Variants in DOCK3 observed in about 807,000 individuals in gnomAD.
The protein encoded by DOCK3 is dedicator of cytokinesis 3.
DOCK3 carries 60 observed loss-of-function variants against 265.6 expected under a neutral mutation model. That is an observed-to-expected ratio of 0.23 (90% confidence interval 0.18 to 0.28). The LOEUF (loss-of-function observed/expected upper bound fraction) is 0.28. Ranked by LOEUF, DOCK3 falls within the 10% of genes least tolerant of loss-of-function variation. The probability of loss-of-function intolerance (pLI) is 1.00; values close to 1 mark genes in which losing one functional copy is unlikely to be tolerated. For synonymous variants in DOCK3, 881 were observed against 938.0 expected, an observed-to-expected ratio of 0.94 and a Z score of 1.11; for missense variants, 1,981 against 2,594.3, an observed-to-expected ratio of 0.76 and a Z score of 5.14.
At position 51,033,896 on chromosome 3, in the gene DOCK3, C is replaced by T. The variant is rs546053532; in HGVS notation, c.316-30552C>T. ...AGTTTATGGCAAAAGTCTCTATAAGCTTTTTGTAAAGCATCAATGATTTCA... is the reference window on the plus strand; with the variant it reads ...AGTTTATGGCAAAAGTCTCTATAAGTTTTTTGTAAAGCATCAATGATTTCA... On this transcript the variant is annotated intron_variant, in intron 5 of 52. Coordinates refer to ENST00000266037, the MANE Select transcript of DOCK3 (RefSeq NM_004947.5). 7.2e-5 allele frequency among the ~76,000 whole-genome samples: 11 copies of T among 152,274 alleles called. No individual in the cohort carries two copies. In the East Asian group the frequency reaches 1.9e-3, roughly 27 times the overall value.
At chr3:50,695,919 A>G (rs2035589597) in intron 1 of DOCK3, among the ~76,000 whole-genome samples, 1 of 152,218 alleles carries the variant, frequency 6.6e-6, no homozygotes, top group Admixed American at 6.5e-5. Flanking sequence ...GCCATGTGGT[A>G]GAGGAGGATT....
chr3:50,821,171 A>C (rs534962610), intron 2 of DOCK3, among the ~76,000 whole-genome samples: 7 of 141,214 alleles, frequency 5.0e-5, no homozygotes, highest in East Asian at 4.1e-4. Flanking sequence ...TGTGCAGAAG[A>C]AGCTCTTTAA....
chr3:50,799,783 T>G (rs1009578960), intron 2 of DOCK3, among the ~76,000 whole-genome samples: 1 of 152,178 alleles, frequency 6.6e-6, no homozygotes, highest in African/African-American at 2.4e-5. Flanking sequence ...TTCCAGTTCT[T>G]AGAGGAAAAG....
intron 21 of DOCK3, among the ~76,000 whole-genome samples, chr3:51,245,598 G>A (rs1381557852): frequency 6.6e-6 from 1 of 151,722 alleles, no homozygotes; most frequent in Non-Finnish European, 1.5e-5. Flanking sequence ...TCACTATGTT[G>A]GCCAGACTGG....
At chr3:50,941,207 A>G (rs1370589933) in intron 5 of DOCK3, among the ~76,000 whole-genome samples, 1 of 152,138 alleles carries the variant, frequency 6.6e-6, no homozygotes, top group Non-Finnish European at 1.5e-5. Context: ...TATTTATGGA[A>G]CTCTGTAAAT....
intron 4 of DOCK3, among the ~76,000 whole-genome samples, chr3:50,893,988 G>C (rs2048770458): frequency 8.4e-6 from 1 of 119,172 alleles, no homozygotes; most frequent in Non-Finnish European, 1.7e-5. Context: ...TGAGGGGAGG[G>C]GGGAGGGGGG....
intron 2 of DOCK3, among the ~76,000 whole-genome samples, chr3:50,836,342 C>T (rs1162261280): frequency 6.6e-6 from 1 of 152,236 alleles, no homozygotes; most frequent in African/African-American, 2.4e-5. Context: ...CGTACATCCT[C>T]TGAAATCTAG....
intron 2 of DOCK3, among the ~76,000 whole-genome samples, chr3:50,822,453 A>G (rs923531716): frequency 1.3e-5 from 2 of 152,086 alleles, no homozygotes; most frequent in African/African-American, 4.8e-5. Flanking sequence ...TCACAATGAT[A>G]TTGAGAAATT....
At position 51,313,620 on chromosome 3, in the gene DOCK3, A is replaced by T. The variant is rs79479759; in HGVS notation, c.3253+718A>T. Among the ~76,000 whole-genome samples the T allele has an allele frequency of 2.6e-5, 4 of 152,300 alleles. No homozygotes were observed. The East Asian group carries it at 7.7e-4, about 29-fold the overall frequency. ...GATGCTGGAGAACTATTATTATTTC[A>T]AGTGAAGTCTGCTTTCAGCTGAGCT... is the stretch of plus-strand genomic sequence containing the variant. On this transcript the variant is annotated intron_variant, in intron 31 of 52. Transcript: ENST00000266037.
chr3:51,043,739 A>G (rs1050714338), intron 5 of DOCK3, among the ~76,000 whole-genome samples: 5 of 152,238 alleles, frequency 3.3e-5, no homozygotes, highest in African/African-American at 1.2e-4. Context: ...TTACAAGAAA[A>G]AAAAACCCTT....
chr3:50,738,351 A>T (rs1407971410), intron 1 of DOCK3, among the ~76,000 whole-genome samples: 1 of 152,058 alleles, frequency 6.6e-6, no homozygotes, highest in Admixed American at 6.6e-5. Flanking sequence ...CCAGGCCCAC[A>T]GTTTCATGGG....
chr3:51,175,209 G>A (rs1012842143), intron 12 of DOCK3, among the ~76,000 whole-genome samples: 1 of 152,176 alleles, frequency 6.6e-6, no homozygotes, highest in Non-Finnish European at 1.5e-5. Context: ...TGGGTCCCTG[G>A]GTGGGCGGGA....
At chr3:51,005,263 C>T (rs991300736) in intron 5 of DOCK3, among the ~76,000 whole-genome samples, 1 of 152,094 alleles carries the variant, frequency 6.6e-6, no homozygotes, top group African/African-American at 2.4e-5. Flanking sequence ...TCTGACTCAC[C>T]AGTAACTTTT....
chr3:50,893,489 G>T (rs770452433), intron 4 of DOCK3, among the ~76,000 whole-genome samples: 7 of 152,192 alleles, frequency 4.6e-5, no homozygotes, highest in Admixed American at 1.3e-4. Flanking sequence ...TATGAAAATT[G>T]TATGGAGAAC....
intron 5 of DOCK3, among the ~76,000 whole-genome samples, chr3:50,985,795 G>C (rs1471272805): frequency 6.6e-6 from 1 of 151,492 alleles, no homozygotes; most frequent in Non-Finnish European, 1.5e-5. Flanking sequence ...GAACTATGGA[G>C]ATAGTATTTT....
At chr3:50,676,928 A>G (rs2034008454) in intron 1 of DOCK3, among the ~76,000 whole-genome samples, 1 of 152,208 alleles carries the variant, frequency 6.6e-6, no homozygotes, top group Admixed American at 6.5e-5. Context: ...CTTTTCCCTT[A>G]GTATTTAGAC....
chr3:51,214,810 C>A (rs780212942), intron 14 of DOCK3, among the ~76,000 whole-genome samples: 2 of 152,132 alleles, frequency 1.3e-5, no homozygotes, highest in East Asian at 1.9e-4. Flanking sequence ...TCTAATGCCC[C>A]GTGGAGAGCC....
chr3:50,921,249 C>G (rs1376557010), intron 4 of DOCK3, among the ~76,000 whole-genome samples: 2 of 152,124 alleles, frequency 1.3e-5, no homozygotes, highest in Non-Finnish European at 2.9e-5. Context: ...TTGTTCATTT[C>G]TTTTTACTCT....
At chr3:50,723,719 C>T (rs1446443026) in intron 1 of DOCK3, among the ~76,000 whole-genome samples, 1 of 152,126 alleles carries the variant, frequency 6.6e-6, no homozygotes, top group Non-Finnish European at 1.5e-5. Flanking sequence ...AGGACTTAAA[C>T]GTAACACCTA....
Sources: allele counts gnomAD v4.1 joint callset (sites outside exome capture counted in the v4.1 genomes callset), GRCh38; gene constraint gnomAD v4.1.1; transcripts MANE v1.5; gene names NCBI Gene and HGNC (gene_info 2026-07-23, HGNC 2026-07-21).